NALCN: variants seen among roughly 807,000 people sequenced by gnomAD.
NALCN encodes the protein sodium leak channel NALCN.
In NALCN, 111 loss-of-function variants were observed where a neutral mutation model predicts 225.3. The observed-to-expected ratio is 0.49, with a 90% CI of 0.42 to 0.58. NALCN has a LOEUF of 0.58. NALCN is among the 20% of genes least tolerant of loss of function. The pLI is 0.00. For synonymous variants in NALCN, 764 were observed against 769.0 expected, an observed-to-expected ratio of 0.99 and a Z score of 0.11; for missense variants, 1,378 against 2,202.4, an observed-to-expected ratio of 0.63 and a Z score of 7.49.
intron 10 of NALCN, among the ~76,000 whole-genome samples, chr13:101,273,172 C>T (rs775241922): frequency 6.6e-6 from 1 of 152,142 alleles, no homozygotes. Context: ...AAGTGTGCAG[C>T]CACATCTGTC....
At chr13:101,333,098 T>G in intron 7 of NALCN, among the ~76,000 whole-genome samples, 1 of 152,244 alleles carries the variant, frequency 6.6e-6, no homozygotes, top group East Asian at 1.9e-4. Context: ...TATTTATGAG[T>G]ACATCTCATT....
At chr13:101,248,374 A>G (rs986603359) in intron 11 of NALCN, among the ~76,000 whole-genome samples, 18 of 152,230 alleles carry the variant, frequency 1.2e-4, no homozygotes, top group African/African-American at 4.3e-4. Context: ...GGTTCTTTGA[A>G]TGAAAAATAA....
chr13:101,396,605 A>G (rs1046779800), intron 2 of NALCN, among the ~76,000 whole-genome samples: 23 of 152,106 alleles, frequency 1.5e-4, no homozygotes, highest in African/African-American at 5.3e-4. Flanking sequence ...CTAATTCCAT[A>G]CCACATAAGC....
intron 15 of NALCN, among the ~76,000 whole-genome samples, chr13:101,171,855 C>A (rs2038738999): frequency 6.6e-6 from 1 of 152,102 alleles, no homozygotes; most frequent in Non-Finnish European, 1.5e-5. Flanking sequence ...CTCGATTAAG[C>A]AATAAGAAAT....
rs369703317 is a variant in NALCN, at chr13:101,364,163, C to T, written c.644+12537G>A. Reference sequence around the variant, plus strand: ...CTGACAGCCACTGTGAAAAACAGTACGGACTGAAAAAAACTAAACATGGAA... The same window carrying T: ...CTGACAGCCACTGTGAAAAACAGTATGGACTGAAAAAAACTAAACATGGAA... On this transcript the variant is annotated intron_variant, in intron 6 of 43. Coordinates refer to ENST00000251127, the MANE Select transcript of NALCN (RefSeq NM_052867.4). 3.9e-3 allele frequency among the ~76,000 whole-genome samples: 586 copies of T among 151,958 alleles called. 5 individuals are homozygous for T. Among genetic ancestry groups the T allele is most frequent in the African/African-American group, 0.013 (520 of 41,494 alleles).
chr13:101,088,555 T>C (rs1438592272), intron 30 of NALCN, among the ~76,000 whole-genome samples: 1 of 152,204 alleles, frequency 6.6e-6, no homozygotes, highest in Non-Finnish European at 1.5e-5. Flanking sequence ...GACTAGTCAT[T>C]GCTTTTTCTG....
intron 11 of NALCN, among the ~76,000 whole-genome samples, chr13:101,253,291 G>A (rs1340237811): frequency 6.6e-6 from 1 of 152,086 alleles, no homozygotes; most frequent in African/African-American, 2.4e-5. Context: ...ATTCTTAAAG[G>A]GTGATTTTTA....
At chr13:101,250,279 C>T (rs567423940) in intron 11 of NALCN, among the ~76,000 whole-genome samples, 1 of 152,084 alleles carries the variant, frequency 6.6e-6, no homozygotes, top group African/African-American at 2.4e-5. Context: ...ATTAAATTTT[C>T]ATAATGTAGA....
chr13:101,107,060 C>T (rs2035157103), intron 22 of NALCN, among the ~76,000 whole-genome samples: 1 of 152,170 alleles, frequency 6.6e-6, no homozygotes, highest in Admixed American at 6.5e-5. Context: ...CACTAATCAA[C>T]TTTACGTTAT....
At chr13:101,268,454 A>G (rs945880149) in intron 10 of NALCN, among the ~76,000 whole-genome samples, 1 of 152,186 alleles carries the variant, frequency 6.6e-6, no homozygotes, top group Admixed American at 6.5e-5. Context: ...TACATTGATC[A>G]TAAATAATAA....
chr13:101,328,606 A>G (rs1035084308), intron 7 of NALCN, among the ~76,000 whole-genome samples: 1 of 152,152 alleles, frequency 6.6e-6, no homozygotes, highest in Non-Finnish European at 1.5e-5. Flanking sequence ...CCCACTTTCT[A>G]TCTGTGTGAC....
intron 7 of NALCN, among the ~76,000 whole-genome samples, chr13:101,341,596 AT>A (rs575246355): frequency 0.011 from 1,690 of 151,898 alleles, 29 homozygotes; most frequent in African/African-American, 0.038. Context: ...ATATATCATG[AT>A]TTTTTTTCAG....
At chr13:101,302,114 A>G (rs894958201) in intron 7 of NALCN, among the ~76,000 whole-genome samples, 1 of 152,248 alleles carries the variant, frequency 6.6e-6, no homozygotes, top group Non-Finnish European at 1.5e-5. Context: ...TAGTTATGAC[A>G]TAAAAAATTC....
chr13:101,389,759 T>C (rs1349853794), intron 3 of NALCN, among the ~76,000 whole-genome samples: 5 of 152,178 alleles, frequency 3.3e-5, no homozygotes, highest in Non-Finnish European at 7.3e-5. Context: ...ATGAAGCCCT[T>C]GTAAAAACAT....
In NALCN at chr13:101,078,658, C is replaced by T. The variant is rs1326915286; in HGVS notation, c.3886-2717G>A. On this transcript the variant is annotated intron_variant, in intron 34 of 43. Coordinates refer to ENST00000251127, the MANE Select transcript of NALCN (RefSeq NM_052867.4). The stretch of plus-strand genomic sequence containing the variant: ...ACTAACTTGCTTTTGATTTTACAGG[C>T]TCATAGGCAGCAGAAACTTTCCTGT... 3.3e-5 allele frequency among the ~76,000 whole-genome samples: 5 copies of T among 152,250 alleles called. No homozygotes were observed. In the East Asian group the frequency reaches 7.7e-4, roughly 24 times the overall value.
At chr13:101,366,686 C>T (rs1028214757) in intron 6 of NALCN, among the ~76,000 whole-genome samples, 1 of 152,050 alleles carries the variant, frequency 6.6e-6, no homozygotes. Flanking sequence ...TAATGCAGCA[C>T]CATGTGATGT....
At chr13:101,234,563 T>G (rs9518349) in intron 12 of NALCN, among the ~76,000 whole-genome samples, 58,121 of 152,112 alleles carry the variant, frequency 0.38, 12,189 homozygotes, top group East Asian at 0.59. Context: ...TACAGTGGAT[T>G]CTCCACATGC....
chr13:101,265,539 G>C (rs1222357203), intron 10 of NALCN, among the ~76,000 whole-genome samples: 1 of 152,188 alleles, frequency 6.6e-6, no homozygotes, highest in African/African-American at 2.4e-5. Context: ...CAAACACGGG[G>C]AGGGCTTCTC....
intron 26 of NALCN, among the ~76,000 whole-genome samples, chr13:101,101,512 C>T (rs905671194): frequency 6.6e-6 from 1 of 152,058 alleles, no homozygotes; most frequent in African/African-American, 2.4e-5. Context: ...AACTCCTGAC[C>T]TCAGGCAATC....
Sources: allele counts gnomAD v4.1 joint callset (sites outside exome capture counted in the v4.1 genomes callset), GRCh38; gene constraint gnomAD v4.1.1; transcripts MANE v1.5; gene names NCBI Gene and HGNC (gene_info 2026-07-23, HGNC 2026-07-21).